The following AKAP13 variants were observed in gnomAD, a reference collection of about 807,000 sequenced individuals.
AKAP13 encodes the protein A-kinase anchoring protein 13.
In AKAP13, 80 loss-of-function variants were observed where a neutral mutation model predicts 264.5. The ratio of observed to expected loss-of-function variants is 0.30; its 90% CI spans 0.25 to 0.36. The LOEUF (loss-of-function observed/expected upper bound fraction) is 0.36. AKAP13 is among the 10% of genes least tolerant of loss of function. The pLI, the probability that AKAP13 is intolerant of heterozygous loss-of-function variation, is 1.00. For synonymous variants in AKAP13, 1,380 were observed against 1,250.2 expected (o/e 1.10, Z -2.19); for missense variants, 3,712 against 3,435.2 (o/e 1.08, Z -2.01).
At chr15:85,416,800 C>T (rs557838480) in intron 1 of AKAP13, among the ~76,000 whole-genome samples, 9 of 152,068 alleles carry the variant, frequency 5.9e-5, no homozygotes, top group East Asian at 1.9e-4. Flanking sequence ...CCATAGTTTC[C>T]CTATCATGGT....
chr15:85,441,523 C>T (rs1219248155), intron 1 of AKAP13, among the ~76,000 whole-genome samples: 1 of 151,924 alleles, frequency 6.6e-6, no homozygotes, highest in Non-Finnish European at 1.5e-5. Context: ...TCTAGTGTAT[C>T]ATGTTTTCTT....
At chr15:85,522,411 C>T (rs1223601810) in intron 3 of AKAP13, among the ~76,000 whole-genome samples, 1 of 152,102 alleles carries the variant, frequency 6.6e-6, no homozygotes, top group Non-Finnish European at 1.5e-5. Context: ...GGCCTGTGTC[C>T]TAACTGTGAT....
intron 1 of AKAP13, among the ~76,000 whole-genome samples, chr15:85,391,854 G>A (rs1252119750): frequency 1.3e-5 from 2 of 151,816 alleles, no homozygotes; most frequent in Admixed American, 6.6e-5. Context: ...GTGCGATCTC[G>A]GCTCACTGCA....
At chr15:85,509,969 C>T (rs999378274) in intron 2 of AKAP13, among the ~76,000 whole-genome samples, 3 of 152,210 alleles carry the variant, frequency 2.0e-5, no homozygotes, top group Non-Finnish European at 4.4e-5. Flanking sequence ...GAGAGAGAAT[C>T]GGTATTCCTC....
At chr15:85,723,952 A>T (rs145677927) in intron 26 of AKAP13, among the ~76,000 whole-genome samples, 1 of 152,174 alleles carries the variant, frequency 6.6e-6, no homozygotes, top group African/African-American at 2.4e-5. Flanking sequence ...TAAAGAAGCT[A>T]TGAGGCTTGT....
chr15:85,548,306 A>G (rs1368515596), intron 5 of AKAP13, among the ~76,000 whole-genome samples: 2 of 152,170 alleles, frequency 1.3e-5, no homozygotes, highest in African/African-American at 2.4e-5. Context: ...TACTTCCTGG[A>G]TGATAACCCA....
chr15:85,407,457 C>G (rs1438871138), intron 1 of AKAP13, among the ~76,000 whole-genome samples: 1 of 151,560 alleles, frequency 6.6e-6, no homozygotes, highest in Admixed American at 6.6e-5. Flanking sequence ...CCAGGCTGTT[C>G]TTCAACTCCT....
intron 8 of AKAP13, among the ~76,000 whole-genome samples, chr15:85,592,762 A>C (rs1326780428): frequency 6.6e-6 from 1 of 152,188 alleles, no homozygotes; most frequent in East Asian, 1.9e-4. Context: ...AGCGGCTCCT[A>C]ATACAAATTT....
intron 17 of AKAP13, among the ~76,000 whole-genome samples, chr15:85,697,002 C>G (rs963454265): frequency 6.6e-6 from 1 of 152,134 alleles, no homozygotes; most frequent in Non-Finnish European, 1.5e-5. Flanking sequence ...AAGTTTACAC[C>G]GTCTGTATGT....
chr15:85,392,965 CAG>C (rs891918530), intron 1 of AKAP13, among the ~76,000 whole-genome samples: 11 of 152,268 alleles, frequency 7.2e-5, no homozygotes, highest in African/African-American at 1.7e-4. Context: ...GTGGATATGA[CAG>C]GGGCTTTTGA....
chr15:85,442,497 ATTATAT>A (rs1475440009), intron 1 of AKAP13, among the ~76,000 whole-genome samples: 2 of 107,572 alleles, frequency 1.9e-5, no homozygotes, highest in East Asian at 4.9e-4. Flanking sequence ...TATAATATAT[ATTATAT>A]TATATATAAT....
rs1555434853 is a variant in AKAP13 at position 85,491,493 on chromosome 15, A to ATT, written c.33+5741_33+5742insTT. Among the ~76,000 whole-genome samples, 13 of 39,288 alleles carry ATT rather than the reference A, an allele frequency of 3.3e-4. No homozygotes were observed. The Admixed American group carries it at 3.4e-3, about 10-fold the overall frequency. The allele number at this position is 39,288 out of a possible 152,430, so 25.8% of individuals were successfully genotyped here. On this transcript the variant is annotated intron_variant, in intron 2 of 36. Transcript: ENST00000394518. ...TTGAGGAATATGTATATATTTATAT[A>ATT]TATTTATTATATATTATATATTATA...
intron 8 of AKAP13, among the ~76,000 whole-genome samples, chr15:85,614,314 C>T (rs2080843074): frequency 6.6e-6 from 1 of 152,096 alleles, no homozygotes. Flanking sequence ...AATGTTTGCT[C>T]CAAAGAGAAA....
At position 85,727,339 on chromosome 15, in the gene AKAP13, A is replaced by G. The variant is rs2087678447; in HGVS notation, c.7005-42A>G. 8 of 1,613,878 alleles carry G rather than the reference A, an allele frequency of 5.0e-6. No homozygotes were observed. In the East Asian group the frequency reaches 1.8e-4, roughly 36 times the overall value. ...CTGGACTGTGACCAGAGTAATTGAC[A>G]TCTTAGGAATTTTTTGTTCTGTCTT... On this transcript the variant is annotated intron_variant, in intron 28 of 36. Coordinates refer to ENST00000394518, the MANE Select transcript of AKAP13 (RefSeq NM_007200.5). This position sits in a 1 kb window ranked among gnomAD's most constrained non-coding sequence, Gnocchi z 5.3.
chr15:85,505,181 A>G (rs1370723473), intron 2 of AKAP13, among the ~76,000 whole-genome samples: 2 of 152,234 alleles, frequency 1.3e-5, no homozygotes, highest in African/African-American at 2.4e-5. Flanking sequence ...AGTAGTTTTA[A>G]TTTCTTTTCT....
chr15:85,744,011 C>T, intron 36 of AKAP13, 186 bp downstream of exon 36: 1 of 654,766 alleles, frequency 1.5e-6, no homozygotes, highest in African/African-American at 1.8e-5. Flanking sequence ...AGAACCCACT[C>T]TGTGTGGCAC....
chr15:85,399,515 A>ATAAAT (rs1567038570), intron 1 of AKAP13, among the ~76,000 whole-genome samples: 6 of 120,144 alleles, frequency 5.0e-5, no homozygotes, highest in Admixed American at 3.5e-4. Context: ...AAAAAAAAAA[A>ATAAAT]AAAAAAATAA....
chr15:85,670,399 A>G (rs1363999639), intron 14 of AKAP13, among the ~76,000 whole-genome samples: 3 of 151,688 alleles, frequency 2.0e-5, no homozygotes, highest in East Asian at 3.9e-4. Context: ...TTCTCTGGCT[A>G]CTGAGTGCTA....
chr15:85,430,555 T>G (rs1052282141), intron 1 of AKAP13, among the ~76,000 whole-genome samples: 1 of 152,240 alleles, frequency 6.6e-6, no homozygotes, highest in Non-Finnish European at 1.5e-5. Flanking sequence ...TGTACTTCAC[T>G]GAACCACCTG....
Sources: gnomAD v4.1 joint callset for allele counts (sites outside exome capture counted in the v4.1 genomes callset) on GRCh38, gnomAD v4.1.1 for gene constraint, Gnocchi (gnomAD v3.1) non-coding constraint, MANE v1.5 for transcripts, NCBI Gene and HGNC (gene_info 2026-07-23, HGNC 2026-07-21) for gene names.